The following KCTD16 variants were observed in gnomAD, a reference collection of about 807,000 sequenced individuals.
KCTD16 encodes the protein potassium channel tetramerization domain containing 16.
In KCTD16, 13 loss-of-function variants were observed where a neutral mutation model predicts 33.2. The ratio of observed to expected loss-of-function variants is 0.39; its 90% CI spans 0.25 to 0.62. KCTD16 has a LOEUF of 0.62. Among genes scored for constraint, KCTD16 ranks in the 20% least tolerant of loss-of-function variants. The pLI, the probability that KCTD16 is intolerant of heterozygous loss-of-function variation, is 0.50. For synonymous variants in KCTD16, 197 were observed against 195.3 expected (o/e 1.01, Z -0.07); for missense variants, 441 against 525.1 (o/e 0.84, Z 1.57).
intron 3 of KCTD16, among the ~76,000 whole-genome samples, chr5:144,410,458 G>T (rs1752907634): frequency 6.6e-6 from 1 of 152,068 alleles, no homozygotes; most frequent in South Asian, 2.1e-4. Context: ...AATTTCTGAG[G>T]ACTACTTGCA....
chr5:144,289,021 A>AAAAC (rs370479181), intron 3 of KCTD16, among the ~76,000 whole-genome samples: 4,169 of 152,186 alleles, frequency 0.027, 95 homozygotes, highest in African/African-American at 0.047. Context: ...TCTCAAAACA[A>AAAAC]AAACAAACAA....
At chr5:144,467,655 T>C (rs145716) in intron 3 of KCTD16, among the ~76,000 whole-genome samples, 59,548 of 152,024 alleles carry the variant, frequency 0.39, 12,170 homozygotes, top group East Asian at 0.67. Flanking sequence ...ACACAAAACA[T>C]TGAGGTATAG....
chr5:144,247,558 C>G (rs1047059264), intron 3 of KCTD16, among the ~76,000 whole-genome samples: 1 of 152,174 alleles, frequency 6.6e-6, no homozygotes. Flanking sequence ...CCCATAAAAT[C>G]TGTGAATATG....
intron 3 of KCTD16, among the ~76,000 whole-genome samples, chr5:144,328,408 CT>C (rs1752264658): frequency 6.6e-6 from 1 of 152,122 alleles, no homozygotes; most frequent in Non-Finnish European, 1.5e-5. Context: ...CAATCTGTAT[CT>C]CCTCTCTTTC....
At chr5:144,405,406 G>C (rs1302557177) in intron 3 of KCTD16, among the ~76,000 whole-genome samples, 1 of 152,196 alleles carries the variant, frequency 6.6e-6, no homozygotes, top group Non-Finnish European at 1.5e-5. Context: ...TGCAATGTTT[G>C]GCAAATTACT....
rs1390126141 is a variant in KCTD16 at position 144,478,888 on chromosome 5, ATAACCCTTTCT to A, written c.*4775_*4785del. 1 of 151,954 alleles carries A rather than the reference ATAACCCTTTCT, an allele frequency of 6.6e-6. No homozygotes were observed. Among genetic ancestry groups the A allele is most frequent in the Non-Finnish European group, 1.5e-5 (1 of 67,898 alleles). The allele number at this position is 151,954 out of a possible 1,614,324, so 9.4% of individuals were successfully genotyped here. On this transcript the variant is annotated 3_prime_UTR_variant, in exon 4 of 4. Coordinates refer to ENST00000512467, the MANE Select transcript of KCTD16 (RefSeq NM_020768.4). The stretch of plus-strand genomic sequence containing the variant: ...CCATTTCATCTGCTGTCTGTCAACC[ATAACCCTTTCT>A]CCATATTGTGTGTGTATGTGTATGT...
At chr5:144,363,005 C>G (rs1376228224) in intron 3 of KCTD16, among the ~76,000 whole-genome samples, 1 of 152,186 alleles carries the variant, frequency 6.6e-6, no homozygotes, top group Admixed American at 6.5e-5. Context: ...TGTTCCTCCA[C>G]TGAAAACTTC....
chr5:144,188,066 G>A (rs10477238), intron 2 of KCTD16, among the ~76,000 whole-genome samples: 7,012 of 152,206 alleles, frequency 0.046, 209 homozygotes, highest in African/African-American at 0.089. Flanking sequence ...GTTGGCAAGA[G>A]GCTCTGATAA....
chr5:144,240,172 T>G (rs1267569257), intron 3 of KCTD16, among the ~76,000 whole-genome samples: 2 of 152,184 alleles, frequency 1.3e-5, no homozygotes, highest in Non-Finnish European at 2.9e-5. Context: ...CAGATATGTC[T>G]GTGTCTAAAG....
chr5:144,396,912 T>TTATATATATA (rs200508365), intron 3 of KCTD16, among the ~76,000 whole-genome samples: 25 of 141,040 alleles, frequency 1.8e-4, no homozygotes, highest in African/African-American at 5.9e-4. Context: ...ACTTTATTTA[T>TTATATATATA]TATATATATA....
At chr5:144,382,796 A>C (rs1330693116) in intron 3 of KCTD16, among the ~76,000 whole-genome samples, 1 of 152,178 alleles carries the variant, frequency 6.6e-6, no homozygotes, top group African/African-American at 2.4e-5. Flanking sequence ...TTCAGCATTT[A>C]CTTAAGCTCT....
intron 3 of KCTD16, among the ~76,000 whole-genome samples, chr5:144,245,600 A>G (rs919391697): frequency 1.2e-4 from 18 of 152,258 alleles, no homozygotes; most frequent in African/African-American, 3.9e-4. Flanking sequence ...CTCATGTTCA[A>G]CTGTAATCCC....
intron 3 of KCTD16, among the ~76,000 whole-genome samples, chr5:144,472,495 G>A (rs968115348): frequency 7.9e-5 from 12 of 152,184 alleles, no homozygotes; most frequent in African/African-American, 1.4e-4. Context: ...AGGGAGAAGA[G>A]GAACTCATAT....
intron 3 of KCTD16, among the ~76,000 whole-genome samples, chr5:144,363,927 G>A (rs1393544395): frequency 6.6e-6 from 1 of 152,126 alleles, no homozygotes; most frequent in Admixed American, 6.5e-5. Flanking sequence ...AGTAGTCAAG[G>A]GATAATGCAG....
chr5:144,243,245 A>T (rs1211498039), intron 3 of KCTD16, among the ~76,000 whole-genome samples: 1 of 152,118 alleles, frequency 6.6e-6, no homozygotes, highest in Non-Finnish European at 1.5e-5. Flanking sequence ...TGATTATTTG[A>T]TTGAGATAGT....
chr5:144,278,885 G>A (rs1165368008), intron 3 of KCTD16, among the ~76,000 whole-genome samples: 5 of 152,128 alleles, frequency 3.3e-5, no homozygotes, highest in East Asian at 1.9e-4. Flanking sequence ...TGTATTATAC[G>A]TATAGATCAA....
chr5:144,174,343 G>A lies in KCTD16; in HGVS notation c.-456G>A, dbSNP rs1489583837. On this transcript the variant is annotated 5_prime_UTR_variant, in exon 2 of 4. An upstream open reading frame in the 5' UTR gains an earlier in-frame stop. Transcript: ENST00000512467. ...TGAAAAGTTGTGCCAGAAAATTATG[G>A]TTTGAACATGGGCAGTTTTCTCCTA... 1 of 152,054 alleles carries A rather than the reference G, an allele frequency of 6.6e-6. No homozygotes were observed. Among genetic ancestry groups the A allele is most frequent in the African/African-American group, 2.4e-5 (1 of 41,394 alleles). The allele number at this position is 152,054 out of a possible 1,614,324, so 9.4% of individuals were successfully genotyped here.
At chr5:144,267,356 T>A (rs1755172684) in intron 3 of KCTD16, among the ~76,000 whole-genome samples, 10 of 152,160 alleles carry the variant, frequency 6.6e-5, no homozygotes, top group Admixed American at 6.6e-4. Flanking sequence ...ACTTTGAAGA[T>A]TAATTCAGTC....
intron 2 of KCTD16, among the ~76,000 whole-genome samples, chr5:144,178,949 A>G (rs1035223225): frequency 1.3e-5 from 2 of 152,320 alleles, no homozygotes; most frequent in South Asian, 2.1e-4. Flanking sequence ...ACTGATCTTC[A>G]TAGAACAATC....
Sources: gnomAD v4.1 joint callset for allele counts (sites outside exome capture counted in the v4.1 genomes callset) on GRCh38, gnomAD v4.1.1 for gene constraint, MANE v1.5 for transcripts, NCBI Gene and HGNC (gene_info 2026-07-23, HGNC 2026-07-21) for gene names.